HPSE2: variants seen among roughly 807,000 people sequenced by gnomAD.
HPSE2 encodes the protein inactive heparanase-2.
Under a neutral mutation model 60.5 loss-of-function variants are expected in HPSE2, and 38 were observed. The observed-to-expected ratio is 0.63, with a 90% CI of 0.48 to 0.82. The LOEUF (loss-of-function observed/expected upper bound fraction) is 0.82. HPSE2 is among the 40% of genes least tolerant of loss of function. The pLI is 0.00. For missense variants in HPSE2, 713 were observed against 740.4 expected, an observed-to-expected ratio of 0.96 and a Z score of 0.43; for synonymous variants, 295 against 293.2, an observed-to-expected ratio of 1.01 and a Z score of -0.06.
chr10:99,261,511 CA>C, the HPSE2 span, among the ~76,000 whole-genome samples: 7 of 152,126 alleles, frequency 4.6e-5, no homozygotes, highest in African/African-American at 1.4e-4. Context: ...TCTTTTTCAC[CA>C]AATATAAAAA....
At chr10:99,159,829 A>G (rs540469295) in intron 2 of HPSE2, among the ~76,000 whole-genome samples, 1 of 152,294 alleles carries the variant, frequency 6.6e-6, no homozygotes, top group East Asian at 1.9e-4. Context: ...ATCAAGAGTA[A>G]AAGTGTTCGC....
chr10:99,154,059 A>T (rs979776432), intron 2 of HPSE2, among the ~76,000 whole-genome samples: 2 of 151,596 alleles, frequency 1.3e-5, no homozygotes, highest in Admixed American at 6.6e-5. Context: ...AGAAAAAAGA[A>T]TAAAAAGAAA....
the HPSE2 span, among the ~76,000 whole-genome samples, chr10:99,278,147 T>C: frequency 6.6e-6 from 1 of 150,456 alleles, no homozygotes; most frequent in Non-Finnish European, 1.5e-5. Context: ...AAATTAGGGA[T>C]AGAAGACTCT....
intron 2 of HPSE2, among the ~76,000 whole-genome samples, chr10:99,200,919 GAAACCATTTTTT>G (rs1848555557): frequency 6.6e-6 from 1 of 152,116 alleles, no homozygotes; most frequent in African/African-American, 2.4e-5. Flanking sequence ...CCAATACTTG[GAAACCATTTTTT>G]AACCCATCCT....
chr10:98,963,181 C>G (rs1228421143), intron 3 of HPSE2, among the ~76,000 whole-genome samples: 1 of 152,098 alleles, frequency 6.6e-6, no homozygotes, highest in Non-Finnish European at 1.5e-5. Flanking sequence ...GACCTTCTAT[C>G]ATGTTCAAGT....
intron 3 of HPSE2, among the ~76,000 whole-genome samples, chr10:99,092,674 GC>G (rs1480255326): frequency 2.6e-5 from 4 of 152,156 alleles, no homozygotes; most frequent in Non-Finnish European, 5.9e-5. Flanking sequence ...TTCAAAGCCA[GC>G]CTAACATTCA....
chr10:99,114,152 G>A (rs558777275), intron 3 of HPSE2, among the ~76,000 whole-genome samples: 2 of 152,302 alleles, frequency 1.3e-5, no homozygotes, highest in South Asian at 4.1e-4. Flanking sequence ...CAGGTTATTA[G>A]CAAAACTTCC....
At chr10:98,654,597 C>T (rs567624429) in intron 6 of HPSE2, among the ~76,000 whole-genome samples, 63 of 152,282 alleles carry the variant, frequency 4.1e-4, no homozygotes, top group African/African-American at 1.5e-3. Flanking sequence ...GTTTCTATCT[C>T]TCTACTTATA....
At chr10:98,671,761 T>A (rs1947513076) in intron 6 of HPSE2, among the ~76,000 whole-genome samples, 1 of 152,142 alleles carries the variant, frequency 6.6e-6, no homozygotes. Context: ...GTAAAGAAGA[T>A]GAAAGTTTGG....
At chr10:98,546,674 C>A (rs1218284325) in intron 9 of HPSE2, among the ~76,000 whole-genome samples, 17 of 150,974 alleles carry the variant, frequency 1.1e-4, no homozygotes, top group South Asian at 2.1e-4. Context: ...TAAAGACTTA[C>A]ATGTTAGACC....
At chr10:98,955,273 C>T (rs1005111083) in intron 3 of HPSE2, among the ~76,000 whole-genome samples, 2 of 152,176 alleles carry the variant, frequency 1.3e-5, no homozygotes, top group East Asian at 3.9e-4. Flanking sequence ...GAAAAACAAA[C>T]AACCACATTA....
chr10:99,247,878 TTCTC>T, the HPSE2 span, among the ~76,000 whole-genome samples: 1 of 152,194 alleles, frequency 6.6e-6, no homozygotes, highest in African/African-American at 2.4e-5. Flanking sequence ...CACCTACCCC[TTCTC>T]TCTCTATCCC....
At chr10:99,281,415 T>C in the HPSE2 span, among the ~76,000 whole-genome samples, 14 of 151,746 alleles carry the variant, frequency 9.2e-5, no homozygotes, top group African/African-American at 2.7e-4. Context: ...TGAAAACATA[T>C]ATTCTGTTTT....
intron 4 of HPSE2, among the ~76,000 whole-genome samples, chr10:98,723,761 T>C (rs889820592): frequency 2.0e-5 from 3 of 152,216 alleles, no homozygotes; most frequent in Non-Finnish European, 2.9e-5. Context: ...TAGAGGTGTT[T>C]ATAGTATTCT....
chr10:98,505,271 C>T (rs901033696), intron 9 of HPSE2, among the ~76,000 whole-genome samples: 17 of 152,162 alleles, frequency 1.1e-4, no homozygotes, highest in Non-Finnish European at 2.1e-4. Flanking sequence ...TGCAAATTAA[C>T]GGACTTCACC....
chr10:98,636,191 A>G (rs1946494727), intron 7 of HPSE2, among the ~76,000 whole-genome samples: 1 of 152,186 alleles, frequency 6.6e-6, no homozygotes, highest in Non-Finnish European at 1.5e-5. Context: ...TCCCAACACA[A>G]AGAAATGATA....
intron 3 of HPSE2, among the ~76,000 whole-genome samples, chr10:99,052,282 T>A: frequency 6.8e-6 from 1 of 146,994 alleles, no homozygotes; most frequent in East Asian, 2.1e-4. Flanking sequence ...ACATGTGAAA[T>A]AAAAAAGTAA....
intron 3 of HPSE2, among the ~76,000 whole-genome samples, chr10:99,041,182 A>G (rs186008128): frequency 3.3e-4 from 51 of 152,294 alleles, no homozygotes; most frequent in African/African-American, 1.2e-3. Context: ...AAGTTCCAAG[A>G]TGGCTTACTA....
chr10:99,227,994 AAGAAG>A (rs900792526), intron 2 of HPSE2, among the ~76,000 whole-genome samples: 1 of 151,732 alleles, frequency 6.6e-6, no homozygotes, highest in Admixed American at 6.6e-5. Context: ...AGTCTAAAGA[AAGAAG>A]AGATCACTGT....
Sources: gnomAD v4.1 joint callset for allele counts (sites outside exome capture counted in the v4.1 genomes callset) on GRCh38, gnomAD v4.1.1 for gene constraint, MANE v1.5 for transcripts, NCBI Gene and HGNC (gene_info 2026-07-23, HGNC 2026-07-21) for gene names.